The following MARCHF1 variants were observed in gnomAD, a reference collection of about 807,000 sequenced individuals.
MARCHF1 encodes the protein E3 ubiquitin-protein ligase MARCHF1.
A neutral mutation model predicts 54.2 loss-of-function variants in MARCHF1; 40 were observed. The observed-to-expected ratio is 0.74, with a 90% CI of 0.57 to 0.96. The LOEUF (loss-of-function observed/expected upper bound fraction) is 0.96, where lower values mean the gene tolerates loss of function less well. MARCHF1 is among the 40% of genes least tolerant of loss of function. MARCHF1 has a pLI of 0.00. For synonymous variants in MARCHF1, 236 were observed against 236.3 expected, an observed-to-expected ratio of 1.00 and a Z score of 0.01; for missense variants, 586 against 656.5, an observed-to-expected ratio of 0.89 and a Z score of 1.17.
At position 164,040,304 on chromosome 4, in the gene MARCHF1, ATATACT is replaced by A. The variant is rs1010294901; in HGVS notation, c.-247-51601_-247-51596del. Among the ~76,000 whole-genome samples the A allele has an allele frequency of 4.0e-4, 48 of 121,120 alleles. 1 individual carries two copies. The highest frequency in any genetic ancestry group is 6.5e-4 in the Non-Finnish European group (39 of 59,996). The allele number at this position is 121,120 out of a possible 152,430, so 79.5% of individuals were successfully genotyped here. A position where few individuals can be genotyped will look rare whatever the true frequency, so the allele number is the denominator to read the frequency against. On this transcript the variant is annotated intron_variant, in intron 2 of 9. Coordinates refer to ENST00000514618, the MANE Select transcript of MARCHF1 (RefSeq NM_001394959.1). ...TATAGACACAAGTATCTATAAGTAC[ATATACT>A]TATAAATATGTATAAATACTTATAC...
intron 4 of MARCHF1, among the ~76,000 whole-genome samples, chr4:163,841,528 T>C (rs2111131900): frequency 6.6e-6 from 1 of 152,216 alleles, no homozygotes; most frequent in African/African-American, 2.4e-5. Context: ...TAATGATATG[T>C]TTCCAGGCTT....
intron 1 of MARCHF1, among the ~76,000 whole-genome samples, chr4:164,176,968 CTCTCTCTCTCTCTATATATATATATATAT>C (rs1730692384): frequency 2.3e-5 from 1 of 43,342 alleles, no homozygotes; most frequent in Non-Finnish European, 4.2e-5. Context: ...CTCTCTCTCT[CTCTCTCTCTCTCTATATATATATATATAT>C]ATATATATAT....
rs371897689 is a variant in MARCHF1 at position 163,909,620 on chromosome 4, T to C, written c.-38-55451A>G. Reference sequence around the variant, plus strand: ...CATTAAGCAACTATCAAAAGTTTTATTGAGATGGCTGAGCTAAAAATAAAG... The same window carrying C: ...CATTAAGCAACTATCAAAAGTTTTACTGAGATGGCTGAGCTAAAAATAAAG... On this transcript the variant is annotated intron_variant, in intron 3 of 9. Transcript: ENST00000514618. Among the ~76,000 whole-genome samples, 31 of 152,334 alleles carry C rather than the reference T, an allele frequency of 2.0e-4. No homozygotes were observed. The South Asian group carries it at 5.8e-3, about 29-fold the overall frequency.
At chr4:164,361,199 TCTCTC>T (rs1730713876) in intron 1 of MARCHF1, among the ~76,000 whole-genome samples, 1 of 152,046 alleles carries the variant, frequency 6.6e-6, no homozygotes, top group African/African-American at 2.4e-5. Context: ...ATTAGTTAAT[TCTCTC>T]CTCTGCCCTG....
intron 3 of MARCHF1, among the ~76,000 whole-genome samples, chr4:163,946,038 T>C (rs1752019207): frequency 6.6e-6 from 1 of 152,126 alleles, no homozygotes; most frequent in Non-Finnish European, 1.5e-5. Flanking sequence ...AGCACCAAAT[T>C]GATGTTATAT....
intron 5 of MARCHF1, among the ~76,000 whole-genome samples, chr4:163,686,341 A>G (rs1744267544): frequency 6.6e-6 from 1 of 151,798 alleles, no homozygotes; most frequent in South Asian, 2.1e-4. Flanking sequence ...TACAAATTAT[A>G]TGTTGCTCTG....
chr4:164,048,681 G>A (rs1379842184), intron 2 of MARCHF1, among the ~76,000 whole-genome samples: 1 of 152,046 alleles, frequency 6.6e-6, no homozygotes, highest in Non-Finnish European at 1.5e-5. Flanking sequence ...GATATTTTGT[G>A]GCAACGTTTC....
At chr4:164,117,628 G>A (rs752479620) in intron 1 of MARCHF1, among the ~76,000 whole-genome samples, 3 of 151,986 alleles carry the variant, frequency 2.0e-5, no homozygotes, top group Non-Finnish European at 4.4e-5. Flanking sequence ...AGCTGGGCAC[G>A]GTGGCTCACA....
intron 4 of MARCHF1, among the ~76,000 whole-genome samples, chr4:163,804,068 C>G (rs1748158974): frequency 6.6e-6 from 1 of 152,154 alleles, no homozygotes; most frequent in Non-Finnish European, 1.5e-5. Flanking sequence ...TCTTGAGAAG[C>G]AGCTCTTGAG....
intron 5 of MARCHF1, among the ~76,000 whole-genome samples, chr4:163,685,187 A>G (rs1004511504): frequency 6.6e-6 from 1 of 152,150 alleles, no homozygotes; most frequent in African/African-American, 2.4e-5. Context: ...TTCTGACAAA[A>G]AATATCTGGT....
chr4:164,107,605 C>T (rs1232300592), intron 2 of MARCHF1, among the ~76,000 whole-genome samples: 1 of 152,010 alleles, frequency 6.6e-6, no homozygotes, highest in Admixed American at 6.6e-5. Context: ...TCAAGTAATC[C>T]ACCCACTTCT....
intron 8 of MARCHF1, among the ~76,000 whole-genome samples, chr4:163,555,161 G>A (rs528993776): frequency 1.3e-5 from 2 of 152,314 alleles, no homozygotes; most frequent in South Asian, 4.1e-4. Flanking sequence ...GTGGGATTTA[G>A]GCACATTTGC....
chr4:164,331,683 A>G (rs551709927), intron 1 of MARCHF1, among the ~76,000 whole-genome samples: 4 of 152,340 alleles, frequency 2.6e-5, no homozygotes, highest in African/African-American at 9.6e-5. Context: ...AGTAGAGTGT[A>G]TGTGTATATA....
intron 5 of MARCHF1, among the ~76,000 whole-genome samples, chr4:163,685,708 C>G (rs1342609222): frequency 1.3e-5 from 2 of 152,206 alleles, no homozygotes; most frequent in African/African-American, 2.4e-5. Flanking sequence ...CCTGCCTCAG[C>G]CTCCCAAAGT....
Position 163,721,583 on chromosome 4 carries a change from G to A in MARCHF1, c.112-20720C>T, listed in dbSNP as rs188254543. The stretch of plus-strand genomic sequence containing the variant: ...AGGATTCCCTCTTTTTCTATTGATT[G>A]GAATAGTTTCAGAAGGAATGGTACC... On this transcript the variant is annotated intron_variant, in intron 4 of 9. Coordinates refer to ENST00000514618, the MANE Select transcript of MARCHF1 (RefSeq NM_001394959.1). Among the ~76,000 whole-genome samples, 5 of 152,192 alleles carry A rather than the reference G, an allele frequency of 3.3e-5. No individual in the cohort carries two copies. The East Asian group carries it at 9.6e-4, about 29-fold the overall frequency.
chr4:164,065,655 T>C (rs1262996131), intron 2 of MARCHF1, among the ~76,000 whole-genome samples: 1 of 152,128 alleles, frequency 6.6e-6, no homozygotes, highest in Non-Finnish European at 1.5e-5. Flanking sequence ...TGATAGGCCA[T>C]CTGTAAGCTG....
At chr4:164,368,703 T>C (rs1031625531) in intron 1 of MARCHF1, among the ~76,000 whole-genome samples, 1 of 152,198 alleles carries the variant, frequency 6.6e-6, no homozygotes, top group African/African-American at 2.4e-5. Flanking sequence ...ATTCACCATA[T>C]GAACAGATTA....
At chr4:163,757,171 AAC>A (rs1746701758) in intron 4 of MARCHF1, among the ~76,000 whole-genome samples, 1 of 152,224 alleles carries the variant, frequency 6.6e-6, no homozygotes. Flanking sequence ...TAAACTGGCA[AAC>A]ACAAACTCAT....
Position 163,739,247 on chromosome 4 carries a change from A to G in MARCHF1, c.112-38384T>C, listed in dbSNP as rs573348772. Among the ~76,000 whole-genome samples, 52 of 152,346 alleles carry G rather than the reference A, an allele frequency of 3.4e-4. 1 individual carries two copies. Among genetic ancestry groups the G allele is most frequent in the African/African-American group, 1.1e-3 (45 of 41,588 alleles). ...TTTTATACTCTTCCTCCCAAGTGGT[A>G]TATTACAGAGACTCCTCATAGAGTT... On this transcript the variant is annotated intron_variant, in intron 4 of 9. Transcript: ENST00000514618.
Sources: allele counts gnomAD v4.1 joint callset (sites outside exome capture counted in the v4.1 genomes callset), GRCh38; gene constraint gnomAD v4.1.1; transcripts MANE v1.5; gene names NCBI Gene and HGNC (gene_info 2026-07-23, HGNC 2026-07-21).